Variants in EPHA3 observed in about 807,000 individuals in gnomAD.
EPHA3 encodes the protein EPH receptor A3.
EPHA3 carries 42 observed loss-of-function variants against 107.1 expected under a neutral mutation model. The ratio of observed to expected loss-of-function variants is 0.39; its 90% CI spans 0.31 to 0.51. EPHA3 has a LOEUF of 0.51. EPHA3 is among the 20% of genes least tolerant of loss of function. The pLI is 0.78. For missense variants in EPHA3, 1,183 were observed against 1,211.2 expected (o/e 0.98, Z 0.35); for synonymous variants, 461 against 424.8 (o/e 1.09, Z -1.05).
At position 89,377,515 on chromosome 3, in the gene EPHA3, C is replaced by A. The variant is rs139425251; in HGVS notation, c.1307-18322C>A. On this transcript the variant is annotated intron_variant, in intron 5 of 16. Coordinates refer to ENST00000336596, the MANE Select transcript of EPHA3 (RefSeq NM_005233.6). ...AGGAAGGTAAGGTATAACATAGATT[C>A]ATAGATGCATGTATGAAAACCAACT... Among the ~76,000 whole-genome samples, 145 of 152,162 alleles carry A rather than the reference C, an allele frequency of 9.5e-4. 3 individuals carry two copies. The East Asian group carries it at 0.022, about 23-fold the overall frequency.
chr3:89,277,435 G>T (rs1400851615), intron 3 of EPHA3, among the ~76,000 whole-genome samples: 1 of 152,026 alleles, frequency 6.6e-6, no homozygotes, highest in Admixed American at 6.6e-5. Context: ...TTTGATATTT[G>T]AAATTTTAAA....
intron 5 of EPHA3, among the ~76,000 whole-genome samples, chr3:89,395,523 T>A (rs1708831441): frequency 2.0e-5 from 3 of 152,136 alleles, no homozygotes. Context: ...ATCAAATATA[T>A]TTCATTGCTT....
intron 3 of EPHA3, among the ~76,000 whole-genome samples, chr3:89,326,398 CT>C (rs1432958203): frequency 9.9e-5 from 15 of 151,868 alleles, no homozygotes; most frequent in African/African-American, 3.4e-4. Context: ...GTACAACCAT[CT>C]TTTTTTTGAG....
intron 5 of EPHA3, among the ~76,000 whole-genome samples, chr3:89,381,937 T>C (rs146858577): frequency 1.1e-3 from 160 of 152,284 alleles, no homozygotes; most frequent in Admixed American, 1.9e-3. Context: ...GTTTATAAGC[T>C]GTTCAGTTTG....
chr3:89,383,683 C>T (rs1449032473), intron 5 of EPHA3, among the ~76,000 whole-genome samples: 2 of 119,686 alleles, frequency 1.7e-5, no homozygotes, highest in Admixed American at 2.1e-4. Flanking sequence ...GAGTCTCACT[C>T]TGTAGCCCAG....
At chr3:89,220,864 G>C (rs767736658) in intron 3 of EPHA3, among the ~76,000 whole-genome samples, 9 of 152,120 alleles carry the variant, frequency 5.9e-5, no homozygotes, top group Non-Finnish European at 1.2e-4. Flanking sequence ...GATATCAGCT[G>C]TTTCTTTTAA....
At chr3:89,430,135 A>G (rs1709538298) in intron 12 of EPHA3, among the ~76,000 whole-genome samples, 1 of 152,178 alleles carries the variant, frequency 6.6e-6, no homozygotes, top group Admixed American at 6.5e-5. Flanking sequence ...AACAAATGTT[A>G]TGTTCAACAA....
At chr3:89,180,204 A>C (rs1362696583) in intron 2 of EPHA3, among the ~76,000 whole-genome samples, 5 of 151,940 alleles carry the variant, frequency 3.3e-5, no homozygotes, top group Non-Finnish European at 7.4e-5. Flanking sequence ...TTTTTTTTTC[A>C]TGAAAGCTTT....
chr3:89,348,518 T>C (rs1354494970), intron 5 of EPHA3, among the ~76,000 whole-genome samples: 26 of 136,144 alleles, frequency 1.9e-4, no homozygotes, highest in African/African-American at 8.1e-4. Context: ...TTTTCTTTAT[T>C]AGTCTTGCTA....
chr3:89,219,714 T>G lies in EPHA3; in HGVS notation c.814+9194T>G, dbSNP rs1704318651. The stretch of plus-strand genomic sequence containing the variant: ...TTTTTTTTTTTTTTGTTTTTTGTTT[T>G]TTTTTTTTTTTTGAGACGGAGTCTC... On this transcript the variant is annotated intron_variant, in intron 3 of 16. Transcript: ENST00000336596. 5.3e-5 allele frequency among the ~76,000 whole-genome samples: 2 copies of G among 37,414 alleles called. 1 individual carries two copies. The highest frequency in any genetic ancestry group is 1.3e-4 in the African/African-American group (2 of 15,056). 24.5% of individuals were successfully genotyped at this position (37,414 alleles called of 152,430 possible).
intron 3 of EPHA3, among the ~76,000 whole-genome samples, chr3:89,316,366 T>A (rs1236807598): frequency 3.3e-5 from 5 of 151,224 alleles, no homozygotes; most frequent in African/African-American, 1.2e-4. Flanking sequence ...GACATTCCAA[T>A]CAGTGGGGCA....
chr3:89,215,089 T>C (rs557947583), intron 3 of EPHA3, among the ~76,000 whole-genome samples: 1 of 151,840 alleles, frequency 6.6e-6, no homozygotes, highest in East Asian at 1.9e-4. Flanking sequence ...AAAAGAAAAA[T>C]ATATCTGTTG....
intron 16 of EPHA3, among the ~76,000 whole-genome samples, chr3:89,476,389 G>T (rs1205483050): frequency 1.4e-5 from 2 of 148,070 alleles, no homozygotes; most frequent in Non-Finnish European, 3.0e-5. Context: ...TTTTTTTCCA[G>T]CCACTTGGGG....
chr3:89,219,750 C>CTAGGCTGGAGTG (rs1704321514), intron 3 of EPHA3, among the ~76,000 whole-genome samples: 1 of 90,676 alleles, frequency 1.1e-5, no homozygotes, highest in African/African-American at 4.1e-5. Context: ...GCTCTGTCGC[C>CTAGGCTGGAGTG]CAGGCTGGAG....
intron 4 of EPHA3, 98 bp downstream of exon 4, chr3:89,341,169 C>A: frequency 7.8e-7 from 1 of 1,284,726 alleles, no homozygotes; most frequent in East Asian, 2.6e-5. Flanking sequence ...GGCCCATTTC[C>A]TTCTGTTGCC....
chr3:89,292,996 ACCACC>A (rs1366788489), intron 3 of EPHA3, among the ~76,000 whole-genome samples: 1 of 152,012 alleles, frequency 6.6e-6, no homozygotes, highest in Non-Finnish European at 1.5e-5. Flanking sequence ...TTATATCTTC[ACCACC>A]CCTTTGTATT....
At chr3:89,208,423 G>GA (rs1706167288) in intron 2 of EPHA3, among the ~76,000 whole-genome samples, 1 of 37,554 alleles carries the variant, frequency 2.7e-5, no homozygotes, top group Non-Finnish European at 4.7e-5. Flanking sequence ...AGGAAGGAAG[G>GA]AAGAAAGAAA....
chr3:89,447,679 TGA>T (rs1709903042), intron 13 of EPHA3, among the ~76,000 whole-genome samples: 1 of 152,200 alleles, frequency 6.6e-6, no homozygotes, highest in Non-Finnish European at 1.5e-5. Context: ...GCTCAGAATA[TGA>T]GAGTATTGAG....
chr3:89,207,226 G>A (rs754618660), intron 2 of EPHA3, among the ~76,000 whole-genome samples: 7 of 152,040 alleles, frequency 4.6e-5, no homozygotes, highest in South Asian at 2.1e-4. Flanking sequence ...TGTAATTACC[G>A]ACAATTTAAT....
Sources: gnomAD v4.1 joint callset for allele counts (sites outside exome capture counted in the v4.1 genomes callset) on GRCh38, gnomAD v4.1.1 for gene constraint, MANE v1.5 for transcripts, NCBI Gene and HGNC (gene_info 2026-07-23, HGNC 2026-07-21) for gene names.